SH3RF3: variants seen among roughly 807,000 people sequenced by gnomAD.
The protein encoded by SH3RF3 is E3 ubiquitin-protein ligase SH3RF3.
In SH3RF3, 29 loss-of-function variants were observed where a neutral mutation model predicts 66.3. The ratio of observed to expected loss-of-function variants is 0.44; its 90% CI spans 0.33 to 0.60. The LOEUF is 0.60. Ranked by LOEUF, SH3RF3 falls within the 20% of genes least tolerant of loss-of-function variation. The pLI is 0.04. For synonymous variants in SH3RF3, 583 were observed against 532.0 expected, an observed-to-expected ratio of 1.10 and a Z score of -1.32; for missense variants, 1,194 against 1,190.9, an observed-to-expected ratio of 1.00 and a Z score of -0.04.
chr2:109,469,067 G>A (rs1192619002), intron 8 of SH3RF3, among the ~76,000 whole-genome samples: 2 of 151,952 alleles, frequency 1.3e-5, no homozygotes, highest in African/African-American at 2.4e-5. Flanking sequence ...CATGTAAGCT[G>A]AGAACACAGG....
chr2:109,345,647 A>G (rs1004704867), intron 1 of SH3RF3, among the ~76,000 whole-genome samples: 3 of 152,208 alleles, frequency 2.0e-5, no homozygotes, highest in Non-Finnish European at 4.4e-5. Context: ...ATGGATATCT[A>G]AGTGTCTCCA....
chr2:109,498,060 G>A (rs1042194217), intron 9 of SH3RF3, among the ~76,000 whole-genome samples: 8 of 152,092 alleles, frequency 5.3e-5, no homozygotes, highest in East Asian at 3.9e-4. Context: ...GCTGCATCCC[G>A]GCAGCCATCT....
Position 109,183,027 on chromosome 2 carries a change from G to A in SH3RF3, c.573+52914G>A, listed in dbSNP as rs138086794. Among the ~76,000 whole-genome samples, 58 of 152,250 alleles carry A rather than the reference G, an allele frequency of 3.8e-4. 2 individuals carry two copies. The East Asian group carries it at 0.011, about 28-fold the overall frequency. On this transcript the variant is annotated intron_variant, in intron 1 of 9. Coordinates refer to ENST00000309415, the MANE Select transcript of SH3RF3 (RefSeq NM_001099289.3). ...CATCATCCTTCCACATGACTGTGTC[G>A]TGAGATGTATTTTCTAGTCGTTTTT...
chr2:109,328,508 A>G (rs767240392), intron 1 of SH3RF3, among the ~76,000 whole-genome samples: 1 of 152,060 alleles, frequency 6.6e-6, no homozygotes, highest in Non-Finnish European at 1.5e-5. Flanking sequence ...TCATTTGTTT[A>G]CACATGTTTG....
At chr2:109,178,100 C>T (rs976845373) in intron 1 of SH3RF3, among the ~76,000 whole-genome samples, 2 of 152,162 alleles carry the variant, frequency 1.3e-5, no homozygotes, top group African/African-American at 4.8e-5. Flanking sequence ...AATATTTTCT[C>T]TTTCTATATC....
rs574523215 is a variant in SH3RF3, at chr2:109,167,218, C to T, written c.573+37105C>T. On this transcript the variant is annotated intron_variant, in intron 1 of 9. Coordinates refer to ENST00000309415, the MANE Select transcript of SH3RF3 (RefSeq NM_001099289.3). ...GCCATATTTTTAAAAAGGATGATGG[C>T]GGAGAAAAGTGGCATTTTTAGACCA... Among the ~76,000 whole-genome samples, 9 of 152,162 alleles carry T rather than the reference C, an allele frequency of 5.9e-5. No individual in the cohort carries two copies. The East Asian group carries it at 9.7e-4, about 16-fold the overall frequency.
At chr2:109,429,061 G>A (rs1161023541) in intron 5 of SH3RF3, among the ~76,000 whole-genome samples, 4 of 152,220 alleles carry the variant, frequency 2.6e-5, no homozygotes, top group Non-Finnish European at 5.9e-5. Context: ...GGTAACAGGC[G>A]ATGCCACTGT....
intron 1 of SH3RF3, among the ~76,000 whole-genome samples, chr2:109,345,429 T>C (rs1249510248): frequency 6.6e-6 from 1 of 152,170 alleles, no homozygotes; most frequent in Non-Finnish European, 1.5e-5. Flanking sequence ...CCACTGTTGT[T>C]ACCAATGGTA....
chr2:109,317,423 A>G (rs777399978), intron 1 of SH3RF3, among the ~76,000 whole-genome samples: 10 of 151,900 alleles, frequency 6.6e-5, no homozygotes, highest in Non-Finnish European at 1.3e-4. Context: ...CTCAGAAGGG[A>G]CACTGTCTAC....
At chr2:109,308,688 C>A in intron 1 of SH3RF3, among the ~76,000 whole-genome samples, 1 of 44,086 alleles carries the variant, frequency 2.3e-5, no homozygotes, top group Non-Finnish European at 3.4e-5. Context: ...GGAATCCTTT[C>A]CCCATTGCTT....
intron 1 of SH3RF3, among the ~76,000 whole-genome samples, chr2:109,205,911 T>C (rs1432496117): frequency 6.6e-6 from 1 of 152,222 alleles, no homozygotes; most frequent in Non-Finnish European, 1.5e-5. Flanking sequence ...TTATGAATTA[T>C]TTGTTGACTT....
intron 2 of SH3RF3, among the ~76,000 whole-genome samples, chr2:109,351,457 T>C (rs532906060): frequency 5.9e-5 from 9 of 152,376 alleles, no homozygotes; most frequent in African/African-American, 1.9e-4. Flanking sequence ...TACTCCATTG[T>C]TTGAGCAGCT....
At position 109,495,477 on chromosome 2, in the gene SH3RF3, C is replaced by CTTTT. The variant is rs569509984; in HGVS notation, c.2480+4570_2480+4573dup. ...ATTTCATCCTGAATATCTTTCATTC[C>CTTTT]TTTTTTTTTTTTTTTTTTTTTTTTT... is the stretch of plus-strand genomic sequence containing the variant. On this transcript the variant is annotated intron_variant, in intron 9 of 9. Transcript: ENST00000309415. Among the ~76,000 whole-genome samples the CTTTT allele has an allele frequency of 2.5e-3, 237 of 94,260 alleles. 15 individuals carry two copies. Among genetic ancestry groups the CTTTT allele is most frequent in the African/African-American group, 5.1e-3 (112 of 21,902 alleles). 61.8% of individuals were successfully genotyped at this position (94,260 alleles called of 152,430 possible). A position where few individuals can be genotyped will look rare whatever the true frequency, so the allele number is the denominator to read the frequency against.
intron 4 of SH3RF3, among the ~76,000 whole-genome samples, chr2:109,402,284 A>T (rs1016038878): frequency 6.6e-6 from 1 of 152,204 alleles, no homozygotes; most frequent in African/African-American, 2.4e-5. Flanking sequence ...GGCGAGCCAG[A>T]CTCAGGTCCT....
intron 4 of SH3RF3, among the ~76,000 whole-genome samples, chr2:109,412,615 G>A (rs1384625798): frequency 2.6e-5 from 4 of 152,182 alleles, no homozygotes; most frequent in Non-Finnish European, 1.5e-5. Flanking sequence ...TCAGCTCCCA[G>A]GATCCCCTGA....
Position 109,169,598 on chromosome 2 carries a change from G to A in SH3RF3, c.573+39485G>A, listed in dbSNP as rs77601615. Among the ~76,000 whole-genome samples, 1,236 of 152,250 alleles carry A rather than the reference G, an allele frequency of 8.1e-3. 12 individuals are homozygous for A. The highest frequency in any genetic ancestry group is 0.04 in the East Asian group (207 of 5,178). On this transcript the variant is annotated intron_variant, in intron 1 of 9. Coordinates refer to ENST00000309415, the MANE Select transcript of SH3RF3 (RefSeq NM_001099289.3). ...TTGCTTTATGCTGAACAAACTGACC[G>A]AGCTTAGCAAGTAGGATAGCTCTCC...
Position 109,447,327 on chromosome 2 carries a change from G to A in SH3RF3, c.1829-1843G>A, listed in dbSNP as rs1441123022. Among the ~76,000 whole-genome samples the A allele has an allele frequency of 1.1e-4, 16 of 152,188 alleles. No homozygotes were observed. In the East Asian group the frequency reaches 2.9e-3, roughly 28 times the overall value. ...TTCACACACGGCTGTGTCAGAAGAAGGCCTGACTCCCAGATGGAGAGCTTT... is the reference window on the plus strand; with the variant it reads ...TTCACACACGGCTGTGTCAGAAGAAAGCCTGACTCCCAGATGGAGAGCTTT... On this transcript the variant is annotated intron_variant, in intron 7 of 9. Transcript: ENST00000309415.
chr2:109,258,676 G>A (rs1321338867), intron 1 of SH3RF3, among the ~76,000 whole-genome samples: 2 of 152,362 alleles, frequency 1.3e-5, no homozygotes, highest in South Asian at 2.1e-4. Flanking sequence ...GAGCCTGACT[G>A]TGTGGCAGCC....
intron 5 of SH3RF3, among the ~76,000 whole-genome samples, chr2:109,424,492 T>C (rs909109763): frequency 6.6e-6 from 1 of 152,096 alleles, no homozygotes; most frequent in Non-Finnish European, 1.5e-5. Flanking sequence ...TTTTTACAAA[T>C]TGAAGCTTCG....
Sources: gnomAD v4.1 joint callset for allele counts (sites outside exome capture counted in the v4.1 genomes callset) on GRCh38, gnomAD v4.1.1 for gene constraint, MANE v1.5 for transcripts, NCBI Gene and HGNC (gene_info 2026-07-23, HGNC 2026-07-21) for gene names.